ZNF335: variants seen among roughly 807,000 people sequenced by gnomAD.
ZNF335 encodes zinc finger protein 335.
ZNF335 carries 84 observed loss-of-function variants against 145.6 expected under a neutral mutation model. The ratio of observed to expected loss-of-function variants is 0.58; its 90% CI spans 0.48 to 0.69. The LOEUF is 0.69. Ranked by LOEUF, ZNF335 falls within the 30% of genes least tolerant of loss-of-function variation. The pLI is 0.00. For synonymous variants in ZNF335, 761 were observed against 717.0 expected (o/e 1.06, Z -0.98); for missense variants, 1,865 against 1,809.7 (o/e 1.03, Z -0.55).
chr20:45,964,035 G>A, intron 7 of ZNF335, 45 bp from the exon 8 acceptor site: 2 of 1,504,962 alleles, frequency 1.3e-6, no homozygotes, highest in Non-Finnish European at 8.8e-7. Context: ...TGACACACCA[G>A]GACAGACGTG....
Position 45,953,955 on chromosome 20 carries a change from C to T in ZNF335, c.2443-7G>A, listed in dbSNP as rs767169803. 47 of 1,578,544 alleles carry T rather than the reference C, an allele frequency of 3.0e-5. No individual in the cohort carries two copies. The highest frequency in any genetic ancestry group is 2.5e-4 in the South Asian group (22 of 87,770). On this transcript the variant is annotated splice_region_variant and splice_polypyrimidine_tract_variant and intron_variant, in intron 17 of 27. Coordinates refer to ENST00000322927, the MANE Select transcript of ZNF335 (RefSeq NM_022095.4). ...CCGACTTCACCACAGCCACCTGCAA[C>T]GGCACCAGGGGGCGGGATGGGAGGC... is the stretch of plus-strand genomic sequence containing the variant.
chr20:45,969,836 C>CTGGTCCT, intron 2 of ZNF335, 145 bp from the exon 3 acceptor site: 2 of 1,111,402 alleles, frequency 1.8e-6, no homozygotes, highest in Non-Finnish European at 2.5e-6. Context: ...CCACGGAGGA[C>CTGGTCCT]CAGTGAGAGA....
intron 17 of ZNF335, among the ~76,000 whole-genome samples, chr20:45,954,846 C>T (rs1219199245): frequency 6.9e-6 from 1 of 145,952 alleles, no homozygotes; most frequent in Non-Finnish European, 1.5e-5. Flanking sequence ...CAGCTCACTG[C>T]AGCCTCAACC....
chr20:45,971,145 T>C (rs2084057587), intron 2 of ZNF335, 65 bp downstream of exon 2: 2 of 1,452,344 alleles, frequency 1.4e-6, no homozygotes, highest in African/African-American at 1.4e-5. Context: ...TTGTTTCCTC[T>C]TGGCTGTCAG....
chr20:45,965,240 C>T (rs914714831), intron 7 of ZNF335, among the ~76,000 whole-genome samples: 16 of 152,066 alleles, frequency 1.1e-4, no homozygotes, highest in African/African-American at 9.7e-5. Flanking sequence ...GCTCACACCA[C>T]GGCTGGGTCC....
rs1337041772 is a variant in ZNF335, at chr20:45,969,560, T to C, written c.333A>G (p.Ala111=). 1.3e-6 allele frequency: 2 copies of C among 1,595,970 alleles called. No homozygotes were observed. The highest frequency in any genetic ancestry group is 1.7e-6 in the Non-Finnish European group (2 of 1,165,662). ...GGPPALVHSS[A]LPDPNMLVSD... ...ACACCAGCATGTTGGGGTCTGGGAG[T>C]GCACTAGAGTGCACAAGTGCTGGGG... Residue 111 remains alanine, a synonymous_variant, in exon 3 of 28, where the codon GCA becomes GCG. Coordinates refer to ENST00000322927, the MANE Select transcript of ZNF335 (RefSeq NM_022095.4).
At chr20:45,970,690 CT>C (rs1181719366) in intron 2 of ZNF335, among the ~76,000 whole-genome samples, 1 of 151,598 alleles carries the variant, frequency 6.6e-6, no homozygotes, top group African/African-American at 2.4e-5. Flanking sequence ...AGCCGGGATA[CT>C]GAGGCTCAAA....
intron 7 of ZNF335, among the ~76,000 whole-genome samples, chr20:45,965,226 T>C (rs1450006515): frequency 6.6e-6 from 1 of 152,054 alleles, no homozygotes; most frequent in Non-Finnish European, 1.5e-5. Flanking sequence ...GCGGCAGAGC[T>C]GGTGCTCACA....
Position 45,949,073 on chromosome 20 carries a change from A to G in ZNF335, c.3909T>C (p.Ala1303=). 2 of 1,613,790 alleles carry G rather than the reference A, an allele frequency of 1.2e-6. No homozygotes were observed. Among genetic ancestry groups the G allele is most frequent in the Non-Finnish European group, 1.7e-6 (2 of 1,180,002 alleles). The change falls in exon 28 of 28, where the codon GCT becomes GCC. Residue 1303 remains alanine (A), a synonymous_variant. Coordinates refer to ENST00000322927, the MANE Select transcript of ZNF335 (RefSeq NM_022095.4). ...AAAHSAVTAV[A]DAAMAQAQGL... The stretch of plus-strand genomic sequence containing the variant: ...CCTGGGCTTGGGCCATGGCAGCATC[A>G]GCCACTGCTGCCAGGGGAGGGGAAA...
intron 6 of ZNF335, chr20:45,967,247 C>T: frequency 1.8e-6 from 1 of 566,834 alleles, no homozygotes; most frequent in Non-Finnish European, 3.1e-6. Context: ...TCCTCTCGCA[C>T]CTTTACTTGT....
At chr20:45,970,440 T>A (rs1193629071) in intron 2 of ZNF335, among the ~76,000 whole-genome samples, 4 of 152,250 alleles carry the variant, frequency 2.6e-5, no homozygotes, top group Non-Finnish European at 5.9e-5. Flanking sequence ...CTGTTTTAAT[T>A]ATTAGCTTTG....
chr20:45,969,545 G>T lies in ZNF335; in HGVS notation c.348C>A (p.Asn116Lys). 6.3e-7 allele frequency: 1 copy of T among 1,594,712 alleles called. No individual in the cohort carries two copies. Among genetic ancestry groups the T allele is most frequent in the South Asian group, 1.1e-5 (1 of 90,564 alleles). ...AAGCTGTGCAGTCGGACACCAGCAT[G>T]TTGGGGTCTGGGAGTGCACTAGAGT... The part of the protein sequence containing the change: ...LVHSSALPDP[N>K]MLVSDCTASS... The change falls in exon 3 of 28, where the codon AAC (asparagine) becomes AAA (lysine). Residue 116 changes from asparagine to lysine, a missense_variant. Physicochemically the swap from Asn to Lys is moderately conservative, Grantham distance 94. Transcript: ENST00000322927.
Position 45,963,482 on chromosome 20 carries a change from G to A in ZNF335, c.1524C>T (p.Ser508=), listed in dbSNP as rs1417395088. The A allele has an allele frequency of 1.2e-6, 2 of 1,611,822 alleles. No individual in the cohort carries two copies. Among genetic ancestry groups the A allele is most frequent in the African/African-American group, 2.7e-5 (2 of 75,026 alleles). ...LQCSYRSRRW[S]SLKEHMFNHV... is the part of the protein sequence containing the mutation. Reference sequence around the variant, plus strand: ...TCTTTGGCTCCCGCACCTTGAGCGAGGACCAGCGGCGGGAACGATAGCTGC... The same window carrying A: ...TCTTTGGCTCCCGCACCTTGAGCGAAGACCAGCGGCGGGAACGATAGCTGC... The change falls in exon 9 of 28, where the codon TCC becomes TCT. Residue 508 remains serine (S), a synonymous_variant. Coordinates refer to ENST00000322927, the MANE Select transcript of ZNF335 (RefSeq NM_022095.4).
intron 15 of ZNF335, among the ~76,000 whole-genome samples, chr20:45,958,376 A>G (rs896629489): frequency 6.6e-6 from 1 of 152,208 alleles, no homozygotes; most frequent in Non-Finnish European, 1.5e-5. Context: ...ATACGAGCTC[A>G]GTGCTACAGA....
chr20:45,959,378 G>T lies in ZNF335; in HGVS notation c.2076C>A (p.Asn692Lys). 1.9e-6 allele frequency: 3 copies of T among 1,571,014 alleles called. No individual in the cohort carries two copies. Among genetic ancestry groups the T allele is most frequent in the South Asian group, 1.1e-5 (1 of 86,988 alleles). ...YCHFSTRHKKNLRLHVRCRHA... is the reference protein window; with the variant it reads ...YCHFSTRHKKKLRLHVRCRHA... The stretch of plus-strand genomic sequence containing the variant: ...GTCGGCACCGTACGTGCAGGCGCAG[G>T]TTCTTCTTGTGCCGTGTGCTGAAGT... The change falls in exon 15 of 28, where the codon AAC (asparagine) becomes AAA (lysine). Residue 692 changes from asparagine to lysine, a missense_variant. By Grantham distance (94) the Asn-to-Lys change is moderately conservative (BLOSUM62 0). Transcript: ENST00000322927.
In ZNF335 at chr20:45,971,328, C is replaced by G; in HGVS notation, c.83G>C (p.Gly28Ala). The G allele has an allele frequency of 6.3e-7, 1 of 1,597,970 alleles. No individual in the cohort carries two copies. Among genetic ancestry groups the G allele is most frequent in the South Asian group, 1.1e-5 (1 of 90,722 alleles). The change falls in exon 2 of 28, where the codon GGT (glycine) becomes GCT (alanine). Residue 28 changes from glycine to alanine, a missense_variant. Physicochemically the swap from Gly to Ala is moderately conservative, Grantham distance 60. Transcript: ENST00000322927. ...GGACACGGCTTCTGAGGTGCCCACA[C>G]CCAGGCCGCTCTCAGAGGGCTCCTC... Reference protein sequence around the residue: ...RPEEPSESGLGVGTSEAVSAD... With the variant: ...RPEEPSESGLAVGTSEAVSAD...
At chr20:45,968,209 A>T (rs2083996959) in intron 4 of ZNF335, 76 bp downstream of exon 4, 1 of 1,530,880 alleles carries the variant, frequency 6.5e-7, no homozygotes, top group Non-Finnish European at 9.0e-7. Context: ...CACAGACGGA[A>T]TCCGCGGCAG....
chr20:45,971,846 C>CT (rs1009399515), intron 1 of ZNF335: 9 of 985,200 alleles, frequency 9.1e-6, no homozygotes, highest in Non-Finnish European at 1.1e-5. Flanking sequence ...TTCGCTCCCC[C>CT]CCGGTTCCCC....
At chr20:45,962,364 C>T (rs571930803) in intron 9 of ZNF335, among the ~76,000 whole-genome samples, 182 bp from the exon 10 acceptor site, 10 of 152,342 alleles carry the variant, frequency 6.6e-5, no homozygotes, top group African/African-American at 2.2e-4. Flanking sequence ...CTGTCCCCAG[C>T]GAGAGCACCC....
Sources: gnomAD v4.1 joint callset for allele counts (sites outside exome capture counted in the v4.1 genomes callset) on GRCh38, gnomAD v4.1.1 for gene constraint, MANE v1.5 for transcripts, NCBI Gene and HGNC (gene_info 2026-07-23, HGNC 2026-07-21) for gene names.